Variants in RBM12B observed in about 807,000 individuals in gnomAD.
RBM12B encodes the protein RNA binding motif protein 12B.
In RBM12B, 10 loss-of-function variants were observed where a neutral mutation model predicts 34.3. That is an observed-to-expected ratio of 0.29 (90% CI 0.18 to 0.49). The LOEUF is 0.49. Ranked by LOEUF, RBM12B falls within the 20% of genes least tolerant of loss-of-function variation. The pLI is 0.99. For missense variants in RBM12B, 1,139 were observed against 1,262.7 expected, an observed-to-expected ratio of 0.90 and a Z score of 1.48; for synonymous variants, 477 against 437.1, an observed-to-expected ratio of 1.09 and a Z score of -1.14.
intron 2 of RBM12B, among the ~76,000 whole-genome samples, chr8:93,739,821 A>G (rs926723169): frequency 2.0e-5 from 3 of 152,352 alleles, no homozygotes; most frequent in Admixed American, 6.5e-5. Context: ...CGCATTTTAA[A>G]TAACTGCTAT....
Position 93,734,179 on chromosome 8 carries a change from T to G in RBM12B, c.2232A>C (p.Pro744=), listed in dbSNP as rs1554610680. The part of the protein sequence containing the change: ...PPPEHFRRPP[P]EHFRRPPPEH... ...CTGGGGGAGGCCGCCTAAAATGCTC[T>G]GGAGGTGGTCTCCGGAAATGCTCTG... Residue 744 remains proline, a synonymous_variant, in exon 4 of 4, where the codon CCA becomes CCC. Coordinates refer to ENST00000520560, the MANE Select transcript of RBM12B (RefSeq NM_001377960.1). 2 of 1,574,680 alleles carry G rather than the reference T, an allele frequency of 1.3e-6. No individual in the cohort carries two copies. Among genetic ancestry groups the G allele is most frequent in the Non-Finnish European group, 1.7e-6 (2 of 1,161,204 alleles).
rs1314093238 is a variant in RBM12B at position 93,736,293 on chromosome 8, T to C, written c.118A>G (p.Ile40Val). The change falls in exon 4 of 4, where the codon ATT (isoleucine) becomes GTT (valine). Residue 40 changes from isoleucine (I) to valine (V), a missense_variant. Coordinates refer to ENST00000520560, the MANE Select transcript of RBM12B (RefSeq NM_001377960.1). ...DGGVHIIGGE[I>V]GEAFIIFATD... ...GCAAAAATAATAAAAGCCTCCCCAA[T>C]TTCCCCTCCAATTATATGCACTCCT... The C allele has an allele frequency of 6.2e-7, 1 of 1,613,952 alleles. No homozygotes were observed. Among genetic ancestry groups the C allele is most frequent in the Non-Finnish European group, 8.5e-7 (1 of 1,180,032 alleles).
In RBM12B at chr8:93,728,522, C is replaced by CT. The variant is rs954848115; in HGVS notation, c.*4882dup. 443 of 353,060 alleles carry CT rather than the reference C, an allele frequency of 1.3e-3. No individual in the cohort carries two copies. Among genetic ancestry groups the CT allele is most frequent in the Middle Eastern group, 3.0e-3 (4 of 1,322 alleles). 21.9% of individuals were successfully genotyped at this position (353,060 alleles called of 1,614,324 possible). A position where few individuals can be genotyped will look rare whatever the true frequency, so the allele number is the denominator to read the frequency against. The stretch of plus-strand genomic sequence containing the variant: ...TGTTACATGATTTTTGTGTAAGTGC[C>CT]TTTTTTTTTAAAGATGGTGTATTTC... On this transcript the variant is annotated 3_prime_UTR_variant, in exon 4 of 4. Transcript: ENST00000520560.
At position 93,737,333 on chromosome 8, in the gene RBM12B, T is replaced by C. The variant is rs1209749114; in HGVS notation, c.-55A>G. Reference sequence around the variant, plus strand: ...TTTTTTAAAATTTCTTGGAGACCTGTTAACTCTGTAAAAGCAACTTAACTG... The same window carrying C: ...TTTTTTAAAATTTCTTGGAGACCTGCTAACTCTGTAAAAGCAACTTAACTG... On this transcript the variant is annotated 5_prime_UTR_variant, in exon 3 of 4. Coordinates refer to ENST00000520560, the MANE Select transcript of RBM12B (RefSeq NM_001377960.1). 6.6e-6 allele frequency: 1 copy of C among 152,220 alleles called. No individual in the cohort carries two copies. The highest frequency in any genetic ancestry group is 1.5e-5 in the Non-Finnish European group (1 of 68,038). 9.4% of individuals were successfully genotyped at this position (152,220 alleles called of 1,614,324 possible).
Position 93,736,116 on chromosome 8 carries a change from C to A in RBM12B, c.295G>T (p.Gly99Trp). Residue 99 changes from glycine (G) to tryptophan (W), a missense_variant, in exon 4 of 4, where the codon GGG becomes TGG. Physicochemically the swap from Gly to Trp is radical, Grantham distance 184 (BLOSUM62 -2). Coordinates refer to ENST00000520560, the MANE Select transcript of RBM12B (RefSeq NM_001377960.1). The stretch of plus-strand genomic sequence containing the variant: ...GACAGGCTGTCAACCCCTGATGTCC[C>A]AGATCCTGGACGCCCTCTTCCTACA... Reference protein sequence around the residue: ...DRVGRGRPGSGTSGVDSLSNF... With the variant: ...DRVGRGRPGSWTSGVDSLSNF... 1.2e-6 allele frequency: 2 copies of A among 1,614,108 alleles called. No homozygotes were observed. The highest frequency in any genetic ancestry group is 1.7e-6 in the Non-Finnish European group (2 of 1,180,002).
Position 93,734,599 on chromosome 8 carries a change from C to T in RBM12B, c.1812G>A (p.Arg604=). The T allele has an allele frequency of 1.2e-6, 2 of 1,613,540 alleles. No homozygotes were observed. Among genetic ancestry groups the T allele is most frequent in the South Asian group, 2.2e-5 (2 of 91,002 alleles). ...DFRRPWEEDF[R]RPPEDDFRHP... is the part of the protein sequence containing the mutation. Reference sequence around the variant, plus strand: ...GCCTGAAGTCATCCTCCGGAGGGCGCCTGAAATCTTCCTCCCAAGGGCGCC... The same window carrying T: ...GCCTGAAGTCATCCTCCGGAGGGCGTCTGAAATCTTCCTCCCAAGGGCGCC... The change falls in exon 4 of 4, where the codon AGG becomes AGA. Residue 604 remains arginine (R), a synonymous_variant. Coordinates refer to ENST00000520560, the MANE Select transcript of RBM12B (RefSeq NM_001377960.1).
chr8:93,735,299 T>G lies in RBM12B; in HGVS notation c.1112A>C (p.Glu371Ala), dbSNP rs766298163. 36 of 1,614,036 alleles carry G rather than the reference T, an allele frequency of 2.2e-5. No homozygotes were observed. The highest frequency in any genetic ancestry group is 2.9e-5 in the Non-Finnish European group (34 of 1,180,010). The change falls in exon 4 of 4, where the codon GAA becomes GCA. Residue 371 changes from glutamate to alanine, a missense_variant. Physicochemically the swap from Glu to Ala is moderately radical, Grantham distance 107 (BLOSUM62 -1). Around this residue, in one of 3 missense-constraint regions of RBM12B, gnomAD observed 863 missense variants for 869.5 expected, o/e 0.99. Transcript: ENST00000520560. ...KQMLKFIARYEKKRSGSLERD... is the reference protein window; with the variant it reads ...KQMLKFIARYAKKRSGSLERD... ...CTCTAGTGACCCTGATCTCTTCTTT[T>G]CATAACGTGCAATGAACTTCAGCAT...
chr8:93,734,826 G>C lies in RBM12B; in HGVS notation c.1585C>G (p.His529Asp), dbSNP rs1455785687. The change falls in exon 4 of 4, where the codon CAT becomes GAT. Residue 529 changes from histidine to aspartate, a missense_variant. By Grantham distance (81) the His-to-Asp change is moderately conservative. Coordinates refer to ENST00000520560, the MANE Select transcript of RBM12B (RefSeq NM_001377960.1). Reference sequence around the variant, plus strand: ...AGTTGCCTCAAGTCCTCTAGCTGATGTCTAAAGTTTTCAAAAGCACCAACT... The same window carrying C: ...AGTTGCCTCAAGTCCTCTAGCTGATCTCTAAAGTTTTCAAAAGCACCAACT... ...YSVGAFENFR[H>D]QLEDLRQLDN... 1 of 1,614,162 alleles carries C rather than the reference G, an allele frequency of 6.2e-7. No homozygotes were observed. Among genetic ancestry groups the C allele is most frequent in the Admixed American group, 1.7e-5 (1 of 60,024 alleles).
intron 2 of RBM12B, among the ~76,000 whole-genome samples, chr8:93,738,498 G>A (rs1812092394): frequency 6.6e-6 from 1 of 152,174 alleles, no homozygotes; most frequent in Admixed American, 6.5e-5. Context: ...CTCTTGCTCT[G>A]CTACCCAGGC....
chr8:93,732,017 T>C lies in RBM12B; in HGVS notation c.*1388A>G, dbSNP rs1358618933. On this transcript the variant is annotated 3_prime_UTR_variant, in exon 4 of 4. Coordinates refer to ENST00000520560, the MANE Select transcript of RBM12B (RefSeq NM_001377960.1). ...TAATCATTTATCCTTGAAAGTATCT[T>C]TAGCATGGTCTTCCTAATTAAAAAT... 1 of 152,440 alleles carries C rather than the reference T, an allele frequency of 6.6e-6. No individual in the cohort carries two copies. Among genetic ancestry groups the C allele is most frequent in the Non-Finnish European group, 1.5e-5 (1 of 68,026 alleles). 9.4% of individuals were successfully genotyped at this position (152,440 alleles called of 1,614,324 possible).
At position 93,734,213 on chromosome 8, in the gene RBM12B, C is replaced by A; in HGVS notation, c.2198G>T (p.Arg733Leu). Residue 733 changes from arginine (R) to leucine (L), a missense_variant, in exon 4 of 4, where the codon CGG becomes CTG. Transcript: ENST00000520560. Reference sequence around the variant, plus strand: ...TCTCCGGAAATGCTCTGGGGGTGGCCGACGGAAATGCTCCTGAGGTGGCCT... The same window carrying A: ...TCTCCGGAAATGCTCTGGGGGTGGCAGACGGAAATGCTCCTGAGGTGGCCT... ...FRRPPQEHFRRPPPEHFRRPP... is the reference protein window; with the variant it reads ...FRRPPQEHFRLPPPEHFRRPP... 2 of 1,594,174 alleles carry A rather than the reference C, an allele frequency of 1.3e-6. No homozygotes were observed. The highest frequency in any genetic ancestry group is 1.7e-6 in the Non-Finnish European group (2 of 1,169,698).
rs1349876743 is a variant in RBM12B at position 93,734,259 on chromosome 8, A to G, written c.2152T>C (p.Ser718Pro). 1.1e-5 allele frequency: 18 copies of G among 1,610,626 alleles called. No homozygotes were observed. Among genetic ancestry groups the G allele is most frequent in the Admixed American group, 1.7e-5 (1 of 59,746 alleles). ...RHSPEEDFRQ[S>P]PQEHFRRPPQ... ...GGCCTCCGGAAATGCTCCTGGGGTG[A>G]CTGCCTGAAGTCCTCCTCAGGGGAA... Residue 718 changes from serine (S) to proline (P), a missense_variant, in exon 4 of 4, where the codon TCA becomes CCA. Physicochemically the swap from Ser to Pro is moderately conservative, Grantham distance 74. Transcript: ENST00000520560.
In RBM12B at chr8:93,734,592, GAGGGCGCCTGAAATCTTCCTCCCA is replaced by G. The variant is rs745587169; in HGVS notation, c.1795_1818del (p.Trp599_Pro606del). ...CTAGGGTGCCTGAAGTCATCCTCCG[GAGGGCGCCTGAAATCTTCCTCCCA>G]AGGGCGCCTGAAGTCCTCCTCAGAA... On this transcript the variant is annotated inframe_deletion, in exon 4 of 4. Coordinates refer to ENST00000520560, the MANE Select transcript of RBM12B (RefSeq NM_001377960.1). 39 of 1,613,410 alleles carry G rather than the reference GAGGGCGCCTGAAATCTTCCTCCCA, an allele frequency of 2.4e-5. No homozygotes were observed. The South Asian group carries it at 2.6e-4, about 11-fold the overall frequency.
At chr8:93,738,081 A>G (rs1160262673) in intron 2 of RBM12B, among the ~76,000 whole-genome samples, 2 of 152,234 alleles carry the variant, frequency 1.3e-5, no homozygotes, top group African/African-American at 4.8e-5. Context: ...CATACATCCA[A>G]GCACAGAACC....
At position 93,728,510 on chromosome 8, in the gene RBM12B, TTG is replaced by T; in HGVS notation, c.*4893_*4894del. On this transcript the variant is annotated 3_prime_UTR_variant, in exon 4 of 4. Coordinates refer to ENST00000520560, the MANE Select transcript of RBM12B (RefSeq NM_001377960.1). ...CATCCTACCTAGTGTTACATGATTT[TTG>T]TGTAAGTGCCTTTTTTTTTAAAGAT... is the stretch of plus-strand genomic sequence containing the variant. 2.6e-6 allele frequency: 1 copy of T among 389,686 alleles called. No individual in the cohort carries two copies. The highest frequency in any genetic ancestry group is 2.1e-5 in the African/African-American group (1 of 47,494). The allele number at this position is 389,686 out of a possible 1,614,324, so 24.1% of individuals were successfully genotyped here. A position where few individuals can be genotyped will look rare whatever the true frequency, so the allele number is the denominator to read the frequency against.
In RBM12B at chr8:93,732,228, C is replaced by G. The variant is rs1317767770; in HGVS notation, c.*1177G>C. The G allele has an allele frequency of 6.6e-6, 1 of 152,074 alleles. No homozygotes were observed. The highest frequency in any genetic ancestry group is 1.5e-5 in the Non-Finnish European group (1 of 68,002). 9.4% of individuals were successfully genotyped at this position (152,074 alleles called of 1,614,324 possible). A position where few individuals can be genotyped will look rare whatever the true frequency, so the allele number is the denominator to read the frequency against. ...TTAACCCTGTACTCACAGGGAATAC[C>G]GAGATTATGCATGTAAAGTGCTTAC... On this transcript the variant is annotated 3_prime_UTR_variant, in exon 4 of 4. Transcript: ENST00000520560.
rs1163047236 is a variant in RBM12B, at chr8:93,729,424, A to C, written c.*3981T>G. 1 of 152,166 alleles carries C rather than the reference A, an allele frequency of 6.6e-6. No homozygotes were observed. Among genetic ancestry groups the C allele is most frequent in the Non-Finnish European group, 1.5e-5 (1 of 67,998 alleles). The allele number at this position is 152,166 out of a possible 1,614,324, so 9.4% of individuals were successfully genotyped here. ...TTGGATATTTACTGCTTCCTCACTC[A>C]GTATTTAAATTTGGTTGTACTTCGG... is the stretch of plus-strand genomic sequence containing the variant. On this transcript the variant is annotated 3_prime_UTR_variant, in exon 4 of 4. Coordinates refer to ENST00000520560, the MANE Select transcript of RBM12B (RefSeq NM_001377960.1).
At position 93,732,370 on chromosome 8, in the gene RBM12B, G is replaced by A. The variant is rs1811822680; in HGVS notation, c.*1035C>T. 6.6e-6 allele frequency: 1 copy of A among 152,152 alleles called. No homozygotes were observed. Among genetic ancestry groups the A allele is most frequent in the African/African-American group, 2.4e-5 (1 of 41,446 alleles). 9.4% of individuals were successfully genotyped at this position (152,152 alleles called of 1,614,324 possible). A position where few individuals can be genotyped will look rare whatever the true frequency, so the allele number is the denominator to read the frequency against. ...GCACTAAATGCTGAATATCAAAGAA[G>A]TCAAAATTCAACCACACAAGTCTTA... On this transcript the variant is annotated 3_prime_UTR_variant, in exon 4 of 4. Transcript: ENST00000520560.
rs923729910 is a variant in RBM12B at position 93,728,996 on chromosome 8, GATC to G, written c.*4406_*4408del. ...TGTTGCCTCATCATAGAACACCATA[GATC>G]ATTAAAAATTCTATAAAAATTTTAC... is the stretch of plus-strand genomic sequence containing the variant. On this transcript the variant is annotated 3_prime_UTR_variant, in exon 4 of 4. Transcript: ENST00000520560. 2 of 151,996 alleles carry G rather than the reference GATC, an allele frequency of 1.3e-5. No individual in the cohort carries two copies. The highest frequency in any genetic ancestry group is 4.8e-5 in the African/African-American group (2 of 41,402). 9.4% of individuals were successfully genotyped at this position (151,996 alleles called of 1,614,324 possible).
Sources: gnomAD v4.1 joint callset for allele counts (sites outside exome capture counted in the v4.1 genomes callset) on GRCh38, gnomAD v4.1.1 for gene constraint, gnomAD v4.1.1 regional missense constraint, MANE v1.5 for transcripts, NCBI Gene and HGNC (gene_info 2026-07-23, HGNC 2026-07-21) for gene names.